Variants in FER observed in about 807,000 individuals in gnomAD.
FER encodes the protein FER tyrosine kinase, also known as tyrosine-protein kinase Fer.
A neutral mutation model predicts 111.0 loss-of-function variants in FER; 63 were observed. That is an observed-to-expected ratio of 0.57 (90% CI 0.46 to 0.70). The LOEUF (loss-of-function observed/expected upper bound fraction) is 0.70, where lower values mean the gene tolerates loss of function less well. Ranked by LOEUF, FER falls within the 30% of genes least tolerant of loss-of-function variation. FER has a pLI of 0.00. For missense variants in FER, 914 were observed against 954.0 expected (o/e 0.96, Z 0.55); for synonymous variants, 327 against 313.9 (o/e 1.04, Z -0.44).
intron 17 of FER, among the ~76,000 whole-genome samples, chr5:109,159,780 A>G (rs1286187737): frequency 6.6e-6 from 1 of 152,210 alleles, no homozygotes; most frequent in Non-Finnish European, 1.5e-5. Flanking sequence ...GGCACAGACT[A>G]GAGTCTGCGA....
intron 16 of FER, among the ~76,000 whole-genome samples, chr5:109,096,916 ATAATAG>A (rs1336311026): frequency 1.3e-5 from 2 of 150,140 alleles, no homozygotes; most frequent in Non-Finnish European, 3.0e-5. Flanking sequence ...AACAACAACA[ATAATAG>A]TAATAGTATA....
chr5:109,082,567 T>C (rs771460869), intron 16 of FER, among the ~76,000 whole-genome samples: 5 of 152,102 alleles, frequency 3.3e-5, no homozygotes, highest in Non-Finnish European at 7.4e-5. Context: ...GTGTAAACTA[T>C]TAAACATACG....
intron 16 of FER, among the ~76,000 whole-genome samples, chr5:109,049,079 A>G (rs1772388320): frequency 6.6e-6 from 1 of 152,218 alleles, no homozygotes; most frequent in Non-Finnish European, 1.5e-5. Flanking sequence ...GTGTGTCTGT[A>G]GGTAAAAATT....
chr5:108,759,643 T>C (rs2149927415), intron 1 of FER, among the ~76,000 whole-genome samples: 1 of 152,354 alleles, frequency 6.6e-6, no homozygotes, highest in South Asian at 2.1e-4. Context: ...CATGAGGGCC[T>C]TCTTGCTGTG....
intron 2 of FER, among the ~76,000 whole-genome samples, chr5:108,791,552 CATATGTGTATATACAT>C (rs1358487253): frequency 3.5e-5 from 5 of 142,552 alleles, no homozygotes; most frequent in African/African-American, 5.3e-5. Context: ...TATACACACA[CATATGTGTATATACAT>C]ATATATGATA....
intron 5 of FER, among the ~76,000 whole-genome samples, chr5:108,854,169 C>A (rs971836487): frequency 6.6e-6 from 1 of 152,178 alleles, no homozygotes; most frequent in African/African-American, 2.4e-5. Flanking sequence ...AGCAACTGAT[C>A]AATACATAAC....
chr5:108,994,990 C>A (rs897736636), intron 13 of FER, among the ~76,000 whole-genome samples: 2 of 152,082 alleles, frequency 1.3e-5, no homozygotes, highest in African/African-American at 4.8e-5. Context: ...AGGTTACTTA[C>A]CAGCTTAAGG....
At chr5:109,181,727 G>A (rs917794109) in intron 18 of FER, among the ~76,000 whole-genome samples, 14 of 152,206 alleles carry the variant, frequency 9.2e-5, no homozygotes, top group South Asian at 2.1e-4. Flanking sequence ...TCCCAAATTA[G>A]AGAAAGCTTT....
intron 5 of FER, chr5:108,841,844 G>C (rs1761303124): frequency 2.3e-6 from 1 of 428,256 alleles, no homozygotes; most frequent in Non-Finnish European, 4.6e-6. Flanking sequence ...AGAAGTGATG[G>C]ATGGTTGTGG....
intron 14 of FER, among the ~76,000 whole-genome samples, chr5:109,038,630 T>C (rs1163350089): frequency 6.6e-6 from 1 of 151,970 alleles, no homozygotes; most frequent in Non-Finnish European, 1.5e-5. Context: ...CAGTGACTCA[T>C]ATGTTATTTC....
At chr5:109,030,621 A>G (rs1373776870) in intron 13 of FER, among the ~76,000 whole-genome samples, 2 of 152,116 alleles carry the variant, frequency 1.3e-5, no homozygotes, top group African/African-American at 4.8e-5. Context: ...GAGTAGAGGG[A>G]ATTCCCCAAG....
chr5:109,076,905 G>A (rs1776409129), intron 16 of FER, among the ~76,000 whole-genome samples: 1 of 152,192 alleles, frequency 6.6e-6, no homozygotes, highest in Non-Finnish European at 1.5e-5. Flanking sequence ...CTGTGATGTG[G>A]TTATTTTCAT....
chr5:108,943,771 T>A (rs1286263052), intron 10 of FER, among the ~76,000 whole-genome samples: 2 of 152,136 alleles, frequency 1.3e-5, no homozygotes, highest in Non-Finnish European at 2.9e-5. Flanking sequence ...TCTTGCTCTG[T>A]TGCCCAGGCT....
At chr5:109,047,266 G>A (rs1561822683) in intron 16 of FER, 68 bp downstream of exon 16, 9 of 878,578 alleles carry the variant, frequency 1.0e-5, no homozygotes, top group South Asian at 3.2e-5. Flanking sequence ...TTATATGTTC[G>A]ATCTCTTTGA....
At chr5:108,767,466 T>C (rs1308929308) in intron 1 of FER, among the ~76,000 whole-genome samples, 2 of 152,226 alleles carry the variant, frequency 1.3e-5, no homozygotes, top group Non-Finnish European at 2.9e-5. Flanking sequence ...GCATAATCAC[T>C]GGCTTCTTCT....
chr5:108,837,630 C>T (rs1476819362), intron 5 of FER, among the ~76,000 whole-genome samples: 1 of 152,126 alleles, frequency 6.6e-6, no homozygotes, highest in Non-Finnish European at 1.5e-5. Flanking sequence ...AAAAGAAATA[C>T]ATAAGTACTT....
At chr5:109,092,652 G>A (rs1746966699) in intron 16 of FER, among the ~76,000 whole-genome samples, 1 of 152,126 alleles carries the variant, frequency 6.6e-6, no homozygotes, top group African/African-American at 2.4e-5. Context: ...CCTGTGCATT[G>A]CCGTTATAAT....
At chr5:109,090,297 C>T (rs993655468) in intron 16 of FER, among the ~76,000 whole-genome samples, 2 of 152,062 alleles carry the variant, frequency 1.3e-5, no homozygotes, top group Non-Finnish European at 2.9e-5. Flanking sequence ...AAGTCACATC[C>T]CCCCAAAAAG....
intron 5 of FER, among the ~76,000 whole-genome samples, chr5:108,839,572 CTTTTTTTTTTTT>C (rs1232820003): frequency 1.1e-5 from 1 of 94,734 alleles, no homozygotes; most frequent in Admixed American, 1.2e-4. Flanking sequence ...ATGCCATTTT[CTTTTTTTTTTTT>C]TTTTTTTTTT....
Sources: allele counts gnomAD v4.1 joint callset (sites outside exome capture counted in the v4.1 genomes callset), GRCh38; gene constraint gnomAD v4.1.1; transcripts MANE v1.5; gene names NCBI Gene and HGNC (gene_info 2026-07-23, HGNC 2026-07-21).